SAMD4A: variants seen among roughly 807,000 people sequenced by gnomAD.
SAMD4A encodes the protein sterile alpha motif domain containing 4A, also known as protein Smaug homolog 1.
A neutral mutation model predicts 81.3 loss-of-function variants in SAMD4A; 33 were observed. The ratio of observed to expected loss-of-function variants is 0.41; its 90% CI spans 0.31 to 0.54. SAMD4A has a LOEUF of 0.54. Among genes scored for constraint, SAMD4A ranks in the 20% least tolerant of loss-of-function variants. The probability of loss-of-function intolerance (pLI) is 0.37; values close to 1 mark genes in which losing one functional copy is unlikely to be tolerated. For missense variants in SAMD4A, 854 were observed against 951.1 expected, an observed-to-expected ratio of 0.90 and a Z score of 1.34; for synonymous variants, 389 against 382.1, an observed-to-expected ratio of 1.02 and a Z score of -0.21.
intron 2 of SAMD4A, among the ~76,000 whole-genome samples, chr14:54,582,380 C>T (rs2140148952): frequency 1.3e-5 from 2 of 152,170 alleles, no homozygotes; most frequent in South Asian, 4.2e-4. Flanking sequence ...TGGCGAATGG[C>T]GTCCATCAGC....
intron 2 of SAMD4A, among the ~76,000 whole-genome samples, chr14:54,678,353 G>GGGAGGAGAA (rs1351004593): frequency 1.3e-5 from 2 of 151,974 alleles, no homozygotes; most frequent in African/African-American, 4.8e-5. Flanking sequence ...CAGGGGAGAA[G>GGGAGGAGAA]GGAGGAGAAT....
intron 2 of SAMD4A, among the ~76,000 whole-genome samples, chr14:54,685,282 C>CCCG (rs1555343070): frequency 8.6e-5 from 12 of 139,852 alleles, no homozygotes; most frequent in African/African-American, 2.9e-4. Context: ...CTGCCCCCCC[C>CCCG]CCCAGCTCCT....
intron 2 of SAMD4A, among the ~76,000 whole-genome samples, chr14:54,639,199 A>G (rs1431720144): frequency 2.0e-5 from 3 of 152,248 alleles, no homozygotes; most frequent in Non-Finnish European, 4.4e-5. Context: ...GTCAGAATCC[A>G]TAAAATATTA....
Position 54,784,203 on chromosome 14 carries a change from G to A in SAMD4A, c.2045-334G>A, listed in dbSNP as rs2039075402. ...GTATGAGGGTACAGAGATAACAAGG[G>A]CCTGGATCATGCGGGGCCTTATGGG... is the stretch of plus-strand genomic sequence containing the variant. On this transcript the variant is annotated intron_variant, in intron 11 of 12. Transcript: ENST00000554335. The A allele has an allele frequency of 8.9e-6, 6 of 674,004 alleles. No homozygotes were observed. In the South Asian group the frequency reaches 1.1e-4, roughly 12 times the overall value. The allele number at this position is 674,004 out of a possible 1,614,324, so 41.8% of individuals were successfully genotyped here.
In SAMD4A at chr14:54,770,111, C is replaced by A. The variant is rs1389477684; in HGVS notation, c.1604C>A (p.Thr535Lys). The A allele has an allele frequency of 6.2e-7, 1 of 1,612,298 alleles. No individual in the cohort carries two copies. The highest frequency in any genetic ancestry group is 8.5e-7 in the Non-Finnish European group (1 of 1,178,584). Residue 535 changes from threonine to lysine, a missense_variant, in exon 9 of 13, where the codon ACA (threonine) becomes AAA (lysine). Around this residue, in one of 3 missense-constraint regions of SAMD4A, gnomAD observed 428 missense variants for 471.2 expected, o/e 0.91. Transcript: ENST00000554335. The stretch of plus-strand genomic sequence containing the variant: ...TCCTGTTTGTTTTTGCAGGCATTTA[C>A]AGAGACACAGAAAAAAAGATTGTTG... ...IDKCLIHEAF[T>K]ETQKKRLLSW...
At chr14:54,617,830 A>G (rs933961697) in intron 2 of SAMD4A, among the ~76,000 whole-genome samples, 6 of 152,186 alleles carry the variant, frequency 3.9e-5, no homozygotes, top group African/African-American at 1.4e-4. Flanking sequence ...GAATTTCTTG[A>G]AAGTTGGGTG....
chr14:54,701,606 G>A (rs1462389113), intron 2 of SAMD4A, among the ~76,000 whole-genome samples: 1 of 152,086 alleles, frequency 6.6e-6, no homozygotes, highest in Non-Finnish European at 1.5e-5. Context: ...GCCTTTACCA[G>A]GATTTAAATC....
intron 2 of SAMD4A, among the ~76,000 whole-genome samples, chr14:54,637,492 A>AG (rs1420931757): frequency 1.3e-5 from 2 of 152,090 alleles, no homozygotes; most frequent in Admixed American, 1.3e-4. Flanking sequence ...CAGGTGAAGA[A>AG]GGAGTGTTAA....
chr14:54,724,040 G>GGAA (rs2037348518), intron 3 of SAMD4A, among the ~76,000 whole-genome samples: 1 of 150,772 alleles, frequency 6.6e-6, no homozygotes, highest in African/African-American at 2.4e-5. Flanking sequence ...AAGGAAGGAA[G>GGAA]GAAGGAAGGA....
At chr14:54,770,035 T>C (rs1307405116) in intron 8 of SAMD4A, 69 bp from the exon 9 acceptor site, 20 of 966,728 alleles carry the variant, frequency 2.1e-5, no homozygotes, top group Non-Finnish European at 2.8e-5. Context: ...TTTCCCCTTA[T>C]TAATTGCATG....
At chr14:54,753,608 T>A (rs2038167199) in intron 6 of SAMD4A, among the ~76,000 whole-genome samples, 1 of 152,164 alleles carries the variant, frequency 6.6e-6, no homozygotes, top group Non-Finnish European at 1.5e-5. Flanking sequence ...CTGATCTCTC[T>A]TTCTTTTCCC....
chr14:54,761,680 G>GC (rs1245391587), intron 7 of SAMD4A, among the ~76,000 whole-genome samples: 1 of 152,200 alleles, frequency 6.6e-6, no homozygotes, highest in Non-Finnish European at 1.5e-5. Flanking sequence ...GCAGTGCACA[G>GC]CCTGCACATC....
At chr14:54,774,228 G>A (rs897735715) in intron 9 of SAMD4A, among the ~76,000 whole-genome samples, 3 of 152,220 alleles carry the variant, frequency 2.0e-5, no homozygotes, top group South Asian at 2.1e-4. Context: ...AGGATTACGC[G>A]CTGTTTTACT....
At chr14:54,644,124 T>C (rs2035234106) in intron 2 of SAMD4A, among the ~76,000 whole-genome samples, 1 of 152,188 alleles carries the variant, frequency 6.6e-6, no homozygotes, top group African/African-American at 2.4e-5. Context: ...AAAGTCTACC[T>C]TTTGTTTAGG....
chr14:54,764,897 C>G (rs1279165962), intron 8 of SAMD4A, among the ~76,000 whole-genome samples: 1 of 152,166 alleles, frequency 6.6e-6, no homozygotes, highest in Non-Finnish European at 1.5e-5. Flanking sequence ...GTGTTGAACT[C>G]TTGCCTTTTA....
At chr14:54,759,109 T>G (rs2038322950) in intron 6 of SAMD4A, among the ~76,000 whole-genome samples, 1 of 152,224 alleles carries the variant, frequency 6.6e-6, no homozygotes, top group East Asian at 1.9e-4. Context: ...AAACTATATG[T>G]GCAGAATGAT....
intron 2 of SAMD4A, among the ~76,000 whole-genome samples, chr14:54,621,552 G>A (rs2034617513): frequency 6.6e-6 from 1 of 151,128 alleles, no homozygotes; most frequent in Admixed American, 6.6e-5. Context: ...AGTAGAGACA[G>A]GGTCTCACCA....
At chr14:54,727,699 A>G (rs1231427820) in intron 3 of SAMD4A, among the ~76,000 whole-genome samples, 1 of 152,212 alleles carries the variant, frequency 6.6e-6, no homozygotes, top group African/African-American at 2.4e-5. Flanking sequence ...TATGACCATG[A>G]AAAGGCCACG....
At chr14:54,776,838 G>A (rs1299905718) in intron 11 of SAMD4A, among the ~76,000 whole-genome samples, 1 of 149,284 alleles carries the variant, frequency 6.7e-6, no homozygotes. Context: ...GTGGGGAGGT[G>A]GGAGGGCTCC....
Sources: allele counts gnomAD v4.1 joint callset (sites outside exome capture counted in the v4.1 genomes callset), GRCh38; gene constraint gnomAD v4.1.1; regional missense constraint gnomAD v4.1.1; transcripts MANE v1.5; gene names NCBI Gene and HGNC (gene_info 2026-07-23, HGNC 2026-07-21).